Variants in TRIOBP observed in about 807,000 individuals in gnomAD.
TRIOBP encodes the protein TRIO and F-actin binding protein, also known as TRIO and F-actin-binding protein.
A neutral mutation model predicts 238.8 loss-of-function variants in TRIOBP; 169 were observed. The ratio of observed to expected loss-of-function variants is 0.71; its 90% CI spans 0.62 to 0.80. The LOEUF is 0.80. Ranked by LOEUF, TRIOBP falls within the 30% of genes least tolerant of loss-of-function variation. The probability of loss-of-function intolerance (pLI) is 0.00; values close to 1 mark genes in which losing one functional copy is unlikely to be tolerated. For synonymous variants in TRIOBP, 1,150 were observed against 1,274.4 expected (o/e 0.90, Z 2.08); for missense variants, 2,838 against 3,122.6 (o/e 0.91, Z 2.17).
chr22:37,721,900 G>T (rs527896124), intron 6 of TRIOBP, among the ~76,000 whole-genome samples: 2 of 152,328 alleles, frequency 1.3e-5, no homozygotes, highest in African/African-American at 4.8e-5. Flanking sequence ...TGAGCGGGGT[G>T]GAGGGTGACA....
chr22:37,735,586 C>A (rs1924631041), intron 9 of TRIOBP, 144 bp downstream of exon 9: 1 of 967,820 alleles, frequency 1.0e-6, no homozygotes, highest in Non-Finnish European at 1.6e-6. Context: ...CTGACCACAA[C>A]CCATCCCGAT....
At chr22:37,753,108 TAGTG>T (rs1925710188) in intron 12 of TRIOBP, among the ~76,000 whole-genome samples, 1 of 152,108 alleles carries the variant, frequency 6.6e-6, no homozygotes, top group Non-Finnish European at 1.5e-5. Context: ...TCCGTTTACT[TAGTG>T]AGAGGAAAAT....
intron 2 of TRIOBP, among the ~76,000 whole-genome samples, chr22:37,698,009 C>A (rs961084618): frequency 1.3e-5 from 2 of 151,336 alleles, no homozygotes; most frequent in African/African-American, 4.9e-5. Flanking sequence ...ACCAGCCTGG[C>A]CCATATGGTG....
Position 37,723,908 on chromosome 22 carries a change from C to T in TRIOBP, c.1352C>T (p.Pro451Leu), listed in dbSNP as rs112549453. 6.6e-7 allele frequency: 1 copy of T among 1,514,550 alleles called. No homozygotes were observed. The highest frequency in any genetic ancestry group is 1.5e-5 in the African/African-American group (1 of 66,668). 93.8% of individuals were successfully genotyped at this position (1,514,550 alleles called of 1,614,324 possible). The change falls in exon 7 of 24, where the codon CCC (proline) becomes CTC (leucine). Residue 451 changes from proline to leucine, a missense_variant. By Grantham distance (98) the Pro-to-Leu change is moderately conservative. This residue lies in a region of TRIOBP where 26 missense variants were observed against 49.3 expected (regional missense o/e 0.53). Coordinates refer to ENST00000644935, the MANE Select transcript of TRIOBP (RefSeq NM_001039141.3). ...SSPSRATRDNPTTSCAQRDNP... is the reference protein window; with the variant it reads ...SSPSRATRDNLTTSCAQRDNP... ...CCCAGTAGAGCTACACGAGACAACC[C>T]CACAACATCCTGTGCCCAGCGGGAC...
In TRIOBP at chr22:37,741,051, G is replaced by T; in HGVS notation, c.5322+19G>T. ...GCGAAGGGTAGGCTGGCTCCAGTGGGGACTGGAGGGGTGAGGGTGGATAGA... is the reference window on the plus strand; with the variant it reads ...GCGAAGGGTAGGCTGGCTCCAGTGGTGACTGGAGGGGTGAGGGTGGATAGA... On this transcript the variant is annotated intron_variant, in intron 11 of 23. Coordinates refer to ENST00000644935, the MANE Select transcript of TRIOBP (RefSeq NM_001039141.3). The T allele has an allele frequency of 6.4e-7, 1 of 1,558,758 alleles. No individual in the cohort carries two copies. The highest frequency in any genetic ancestry group is 8.7e-7 in the Non-Finnish European group (1 of 1,151,000).
chr22:37,757,772 G>GCCGCTGACCCAGGCTTCC lies in TRIOBP; in HGVS notation c.5852_5869dup (p.Leu1951_Pro1956dup). On this transcript the variant is annotated inframe_insertion, in exon 16 of 24. Coordinates refer to ENST00000644935, the MANE Select transcript of TRIOBP (RefSeq NM_001039141.3). Reference sequence around the variant, plus strand: ...AGGCCTTGGACTACGTGGAGCTCTCGCCGCTGACCCAGGCTTCCCCGCAGC... The same window carrying GCCGCTGACCCAGGCTTCC: ...AGGCCTTGGACTACGTGGAGCTCTCGCCGCTGACCCAGGCTTCCCCGCTGACCCAGGCTTCCCCGCAGC... 1.3e-6 allele frequency: 2 copies of GCCGCTGACCCAGGCTTCC among 1,552,772 alleles called. No individual in the cohort carries two copies. Among genetic ancestry groups the GCCGCTGACCCAGGCTTCC allele is most frequent in the Non-Finnish European group, 1.7e-6 (2 of 1,148,422 alleles).
intron 11 of TRIOBP, chr22:37,746,521 T>C: frequency 9.4e-7 from 1 of 1,068,724 alleles, no homozygotes; most frequent in Non-Finnish European, 1.2e-6. Context: ...CCTCCTCATT[T>C]CCCGAAGGCG....
chr22:37,723,324 G>A lies in TRIOBP; in HGVS notation c.768G>A (p.Thr256=), dbSNP rs770282781. The change falls in exon 7 of 24, where the codon ACG becomes ACA. Residue 256 remains threonine, a synonymous_variant. Coordinates refer to ENST00000644935, the MANE Select transcript of TRIOBP (RefSeq NM_001039141.3). The part of the protein sequence containing the change: ...MTPHSGPRST[T]SQASPAQRDT... The stretch of plus-strand genomic sequence containing the variant: ...CACACAGTGGACCTCGAAGCACCAC[G>A]TCTCAGGCTTCTCCTGCCCAAAGGG... The A allele has an allele frequency of 5.0e-6, 8 of 1,614,050 alleles. No homozygotes were observed. Among genetic ancestry groups the A allele is most frequent in the East Asian group, 2.2e-5 (1 of 44,880 alleles).
intron 9 of TRIOBP, among the ~76,000 whole-genome samples, chr22:37,736,570 T>C (rs112367716): frequency 1.4e-3 from 206 of 152,242 alleles, no homozygotes; most frequent in African/African-American, 4.5e-3. Flanking sequence ...CACACATGCA[T>C]AGGTCGTGAG....
At chr22:37,731,750 C>T (rs1924431421) in intron 7 of TRIOBP, among the ~76,000 whole-genome samples, 2 of 152,164 alleles carry the variant, frequency 1.3e-5, no homozygotes, top group African/African-American at 4.8e-5. Context: ...AGCCACCACA[C>T]CTGGGCTAAT....
chr22:37,746,095 T>C, intron 11 of TRIOBP: 6 of 641,306 alleles, frequency 9.4e-6, no homozygotes, highest in Non-Finnish European at 1.1e-5. Context: ...GCCCGTCCCG[T>C]TGCGGCAGGT....
chr22:37,743,826 TGTGTGTGTGTGTGTGTGTGCTGG>T (rs1359328571), intron 11 of TRIOBP, among the ~76,000 whole-genome samples: 3 of 125,366 alleles, frequency 2.4e-5, no homozygotes, highest in African/African-American at 9.9e-5. Context: ...TGTGTGTGTG[TGTGTGTGTGTGTGTGTGTGCTGG>T]GTGTGTGTGA....
At position 37,743,842 on chromosome 22, in the gene TRIOBP, T is replaced by TGCGC. The variant is rs1555898394; in HGVS notation, c.5322+2811_5322+2812insCGCG. ...GTGTGTGTGTGTGTGTGTGTGTGTG[T>TGCGC]GTGCTGGGTGTGTGTGAGTGTGTGC... On this transcript the variant is annotated intron_variant, in intron 11 of 23. Transcript: ENST00000644935. Among the ~76,000 whole-genome samples, 5 of 115,186 alleles carry TGCGC rather than the reference T, an allele frequency of 4.3e-5. No homozygotes were observed. In the South Asian group the frequency reaches 1.5e-3, roughly 34 times the overall value. The allele number at this position is 115,186 out of a possible 152,430, so 75.6% of individuals were successfully genotyped here.
At chr22:37,752,133 C>T (rs1325998899) in intron 12 of TRIOBP, among the ~76,000 whole-genome samples, 3 of 151,986 alleles carry the variant, frequency 2.0e-5, no homozygotes, top group African/African-American at 7.3e-5. Context: ...GGTGGAAGGG[C>T]TCGTAGAAGC....
At position 37,751,399 on chromosome 22, in the gene TRIOBP, C is replaced by G. The variant is rs1046173628; in HGVS notation, c.5323-373C>G. The G allele has an allele frequency of 5.4e-5, 20 of 367,666 alleles. No individual in the cohort carries two copies. In the East Asian group the frequency reaches 6.0e-4, roughly 11 times the overall value. The allele number at this position is 367,666 out of a possible 1,614,324, so 22.8% of individuals were successfully genotyped here. A position where few individuals can be genotyped will look rare whatever the true frequency, so the allele number is the denominator to read the frequency against. ...GAACTGGACAGTTCGCGCAGTGCTG[C>G]TGGTCTGGACTGCCCTCTGAGCTCT... is the stretch of plus-strand genomic sequence containing the variant. On this transcript the variant is annotated intron_variant, in intron 11 of 23. Coordinates refer to ENST00000644935, the MANE Select transcript of TRIOBP (RefSeq NM_001039141.3).
At chr22:37,743,836 TGTGTGTGTGCTGG>T (rs1466444397) in intron 11 of TRIOBP, among the ~76,000 whole-genome samples, 5 of 123,946 alleles carry the variant, frequency 4.0e-5, no homozygotes, top group Non-Finnish European at 6.4e-5. Flanking sequence ...TGTGTGTGTG[TGTGTGTGTGCTGG>T]GTGTGTGTGA....
Position 37,754,873 on chromosome 22 carries a change from G to A in TRIOBP, c.5380-4G>A, listed in dbSNP as rs770573637. 3 of 1,613,878 alleles carry A rather than the reference G, an allele frequency of 1.9e-6. No individual in the cohort carries two copies. On this transcript the variant is annotated splice_polypyrimidine_tract_variant and splice_region_variant and intron_variant, in intron 12 of 23. Transcript: ENST00000644935. ...CTGGCTCTTTCATTCCATCCTCCTT[G>A]CAGCCTCCCTCCCCCTCGCTCACCA... is the stretch of plus-strand genomic sequence containing the variant.
intron 11 of TRIOBP, chr22:37,746,540 G>T: frequency 1.1e-6 from 1 of 933,290 alleles, no homozygotes; most frequent in East Asian, 6.0e-5. Flanking sequence ...CGAGAGGAGG[G>T]CTGGGCCGGA....
intron 7 of TRIOBP, among the ~76,000 whole-genome samples, chr22:37,732,972 G>A (rs1337674272): frequency 6.6e-6 from 1 of 152,334 alleles, no homozygotes; most frequent in African/African-American, 2.4e-5. Context: ...TGGTGGGGTG[G>A]TGGTTAGTCA....
Sources: gnomAD v4.1 joint callset for allele counts (sites outside exome capture counted in the v4.1 genomes callset) on GRCh38, gnomAD v4.1.1 for gene constraint, gnomAD v4.1.1 regional missense constraint, MANE v1.5 for transcripts, NCBI Gene and HGNC (gene_info 2026-07-23, HGNC 2026-07-21) for gene names.